Variants in KIAA0930 observed in about 807,000 individuals in gnomAD.
KIAA0930 encodes uncharacterized protein KIAA0930.
A neutral mutation model predicts 43.9 loss-of-function variants in KIAA0930; 24 were observed. The ratio of observed to expected loss-of-function variants is 0.55; its 90% CI spans 0.40 to 0.77. KIAA0930 has a LOEUF of 0.77. Ranked by LOEUF, KIAA0930 falls within the 30% of genes least tolerant of loss-of-function variation. The pLI, the probability that KIAA0930 is intolerant of heterozygous loss-of-function variation, is 0.00. For synonymous variants in KIAA0930, 259 were observed against 216.4 expected, an observed-to-expected ratio of 1.20 and a Z score of -1.73; for missense variants, 461 against 574.2, an observed-to-expected ratio of 0.80 and a Z score of 2.02.
chr22:45,209,000 G>C (rs2083667370), intron 2 of KIAA0930, among the ~76,000 whole-genome samples: 1 of 152,250 alleles, frequency 6.6e-6, no homozygotes, highest in Admixed American at 6.5e-5. Flanking sequence ...CAGGAACACA[G>C]AGCGTTTTGT....
chr22:45,224,015 TGAA>T (rs1198419666), intron 1 of KIAA0930, among the ~76,000 whole-genome samples: 1 of 152,204 alleles, frequency 6.6e-6, no homozygotes, highest in African/African-American at 2.4e-5. Flanking sequence ...AGAAAAACTA[TGAA>T]GGAGAAAGAC....
chr22:45,240,547 G>C, intron 1 of KIAA0930, 93 bp downstream of exon 1: 1 of 867,684 alleles, frequency 1.2e-6, no homozygotes, highest in Non-Finnish European at 1.8e-6. Context: ...CAGAGACAGA[G>C]ATGCGCGGGG....
At chr22:45,197,353 G>T in intron 9 of KIAA0930, 137 bp from the exon 10 acceptor site, 1 of 727,728 alleles carries the variant, frequency 1.4e-6, no homozygotes, top group Non-Finnish European at 2.3e-6. Flanking sequence ...ACAGACTGCA[G>T]AGGAGACGTG....
intron 1 of KIAA0930, among the ~76,000 whole-genome samples, chr22:45,234,140 C>T (rs1337797157): frequency 1.3e-5 from 2 of 152,186 alleles, no homozygotes; most frequent in African/African-American, 4.8e-5. Flanking sequence ...GAGGGGCAAA[C>T]GTCTCTGTTG....
chr22:45,215,121 G>A (rs890800791), intron 1 of KIAA0930, among the ~76,000 whole-genome samples: 1 of 152,054 alleles, frequency 6.6e-6, no homozygotes, highest in Non-Finnish European at 1.5e-5. Context: ...GGGAGGCTGA[G>A]GCACTAGAAT....
At chr22:45,204,501 T>G (rs2083618057) in intron 5 of KIAA0930, among the ~76,000 whole-genome samples, 1 of 152,126 alleles carries the variant, frequency 6.6e-6, no homozygotes, top group South Asian at 2.1e-4. Flanking sequence ...GACGCAAATC[T>G]CAGCTCTGCC....
At position 45,212,120 on chromosome 22, in the gene KIAA0930, G is replaced by A; in HGVS notation, c.65-13C>T. ...TCCTTGAAGCACCCTGCAGAGGGAGGCCAGACAGGAGTGAGGAAGGACGGC... is the reference window on the plus strand; with the variant it reads ...TCCTTGAAGCACCCTGCAGAGGGAGACCAGACAGGAGTGAGGAAGGACGGC... On this transcript the variant is annotated splice_polypyrimidine_tract_variant and intron_variant, in intron 1 of 9. Transcript: ENST00000336156. The A allele has an allele frequency of 1.2e-6, 2 of 1,613,724 alleles. No homozygotes were observed. Among genetic ancestry groups the A allele is most frequent in the Non-Finnish European group, 1.7e-6 (2 of 1,179,956 alleles).
At chr22:45,222,319 A>G (rs1205236339) in intron 1 of KIAA0930, among the ~76,000 whole-genome samples, 1 of 152,126 alleles carries the variant, frequency 6.6e-6, no homozygotes, top group Non-Finnish European at 1.5e-5. Context: ...TAAACACTTA[A>G]AATTTCTCTT....
intron 2 of KIAA0930, chr22:45,207,655 T>C (rs533818659): frequency 5.9e-6 from 1 of 170,208 alleles, no homozygotes; most frequent in Non-Finnish European, 1.4e-5. Flanking sequence ...CTGTGCTGAC[T>C]GGGGGCCTCT....
chr22:45,238,780 T>G (rs2083901081), intron 1 of KIAA0930, among the ~76,000 whole-genome samples: 1 of 151,928 alleles, frequency 6.6e-6, no homozygotes, highest in African/African-American at 2.4e-5. Flanking sequence ...CTGGGGATAT[T>G]CAGGGAGTGG....
At position 45,203,158 on chromosome 22, in the gene KIAA0930, C is replaced by T; in HGVS notation, c.684G>A (p.Gln228=). 1.9e-6 allele frequency: 3 copies of T among 1,610,148 alleles called. No individual in the cohort carries two copies. Among genetic ancestry groups the T allele is most frequent in the African/African-American group, 1.3e-5 (1 of 74,982 alleles). The change falls in exon 7 of 10, where the codon CAG becomes CAA. Residue 228 remains glutamine, a synonymous_variant. Transcript: ENST00000336156. ...NRVSVAARMA[Q]KMSFGFYKYS... ...ACTTGTAGAAGCCAAACGACATCTT[C>T]TGTGCCATGCGGGCGGCCACGCTCA...
intron 1 of KIAA0930, among the ~76,000 whole-genome samples, chr22:45,218,197 G>C (rs1379201153): frequency 6.6e-6 from 1 of 151,922 alleles, no homozygotes; most frequent in Non-Finnish European, 1.5e-5. Flanking sequence ...TGTTCTTGTC[G>C]CTCAGGCTGG....
chr22:45,212,893 C>CA (rs934787943), intron 1 of KIAA0930, among the ~76,000 whole-genome samples: 11 of 152,206 alleles, frequency 7.2e-5, no homozygotes, highest in African/African-American at 2.7e-4. Context: ...CACGGGCACA[C>CA]AGCAGGATCA....
rs548243903 is a variant in KIAA0930 at position 45,224,752 on chromosome 22, C to T, written c.65-12645G>A. ...TAGGAATCAAGCAGGCAAAGGTGGA[C>T]GGCATTCAACGCTCCCCTTGGGGGA... On this transcript the variant is annotated intron_variant, in intron 1 of 9. Transcript: ENST00000336156. Among the ~76,000 whole-genome samples the T allele has an allele frequency of 3.6e-3, 545 of 152,180 alleles. 1 individual carries two copies. Among genetic ancestry groups the T allele is most frequent in the Non-Finnish European group, 6.0e-3 (408 of 68,006 alleles).
chr22:45,222,628 AG>A (rs5845699), intron 1 of KIAA0930, among the ~76,000 whole-genome samples: 65,763 of 150,226 alleles, frequency 0.44, 14,986 homozygotes, highest in East Asian at 0.68. Flanking sequence ...AAATTTCTAT[AG>A]GGGAAAAAAA....
intron 1 of KIAA0930, among the ~76,000 whole-genome samples, chr22:45,217,533 C>G (rs1367634429): frequency 6.6e-6 from 1 of 152,248 alleles, no homozygotes; most frequent in African/African-American, 2.4e-5. Context: ...GATAGCATCT[C>G]AGCCCAGGGC....
At chr22:45,239,487 C>T (rs559401313) in intron 1 of KIAA0930, among the ~76,000 whole-genome samples, 6 of 152,312 alleles carry the variant, frequency 3.9e-5, no homozygotes, top group Non-Finnish European at 7.4e-5. Context: ...GCAGGCTAGG[C>T]TGGGGCCTGC....
intron 1 of KIAA0930, among the ~76,000 whole-genome samples, chr22:45,213,745 C>T (rs1323900045): frequency 6.6e-6 from 1 of 152,212 alleles, no homozygotes; most frequent in Non-Finnish European, 1.5e-5. Context: ...TGTGGTGGCT[C>T]ATGCCTGTCA....
At chr22:45,238,274 C>T (rs1166961698) in intron 1 of KIAA0930, among the ~76,000 whole-genome samples, 1 of 152,216 alleles carries the variant, frequency 6.6e-6, no homozygotes, top group Non-Finnish European at 1.5e-5. Flanking sequence ...CGTGGCCCTC[C>T]ACGCCCTTCA....
Sources: allele counts gnomAD v4.1 joint callset (sites outside exome capture counted in the v4.1 genomes callset), GRCh38; gene constraint gnomAD v4.1.1; transcripts MANE v1.5; gene names NCBI Gene and HGNC (gene_info 2026-07-23, HGNC 2026-07-21).